Variants in EPHB2 observed in about 807,000 individuals in gnomAD.
EPHB2 encodes EPH receptor B2, also known as ephrin type-B receptor 2.
Under a neutral mutation model 96.4 loss-of-function variants are expected in EPHB2, and 18 were observed. That is an observed-to-expected ratio of 0.19 (90% CI 0.13 to 0.28). EPHB2 has a LOEUF of 0.28. EPHB2 is among the 10% of genes least tolerant of loss of function. The pLI, the probability that EPHB2 is intolerant of heterozygous loss-of-function variation, is 1.00. For synonymous variants in EPHB2, 506 were observed against 534.1 expected, an observed-to-expected ratio of 0.95 and a Z score of 0.72; for missense variants, 989 against 1,355.4, an observed-to-expected ratio of 0.73 and a Z score of 4.25.
chr1:22,899,020 C>T (rs1355953081), intron 9 of EPHB2, among the ~76,000 whole-genome samples: 1 of 151,810 alleles, frequency 6.6e-6, no homozygotes, highest in Non-Finnish European at 1.5e-5. Flanking sequence ...ACAGAGAAAC[C>T]CCGTCTCTAC....
In EPHB2 at chr1:22,798,571, G is replaced by A. The variant is rs575874740; in HGVS notation, c.811+13495G>A. ...GTGTGGTCCTAGACCAGAGGCTGCT[G>A]TGGGACTCGATTCTCTCATAAGGAG... On this transcript the variant is annotated intron_variant, in intron 3 of 15. Coordinates refer to ENST00000374630, the MANE Select transcript of EPHB2 (RefSeq NM_017449.5). Among the ~76,000 whole-genome samples, 9 of 152,160 alleles carry A rather than the reference G, an allele frequency of 5.9e-5. No individual in the cohort carries two copies. The East Asian group carries it at 1.7e-3, about 30-fold the overall frequency.
intron 1 of EPHB2, among the ~76,000 whole-genome samples, chr1:22,770,528 T>C (rs1000051030): frequency 1.1e-4 from 17 of 152,274 alleles, no homozygotes; most frequent in African/African-American, 4.1e-4. Flanking sequence ...TCTTATTGAT[T>C]TGTAATTTAC....
chr1:22,850,592 C>T (rs1321876393), intron 3 of EPHB2, among the ~76,000 whole-genome samples: 1 of 152,226 alleles, frequency 6.6e-6, no homozygotes, highest in Non-Finnish European at 1.5e-5. Flanking sequence ...GTTTAACACT[C>T]GCTATTCCTG....
At chr1:22,779,231 A>G (rs921087261) in intron 1 of EPHB2, among the ~76,000 whole-genome samples, 1 of 152,226 alleles carries the variant, frequency 6.6e-6, no homozygotes, top group Non-Finnish European at 1.5e-5. Flanking sequence ...CCAAAGCTGC[A>G]TAATAGAACT....
intron 1 of EPHB2, among the ~76,000 whole-genome samples, chr1:22,724,145 A>G (rs1165013015): frequency 6.6e-6 from 1 of 152,194 alleles, no homozygotes; most frequent in African/African-American, 2.4e-5. Flanking sequence ...ACACCTGTCT[A>G]GCCTTCACCT....
At chr1:22,901,853 G>T (rs944817914) in intron 9 of EPHB2, among the ~76,000 whole-genome samples, 95 of 149,210 alleles carry the variant, frequency 6.4e-4, no homozygotes, top group African/African-American at 2.4e-3. Flanking sequence ...GTGTAACAGG[G>T]TCTCACTTTG....
intron 1 of EPHB2, among the ~76,000 whole-genome samples, chr1:22,745,848 T>A (rs1643966938): frequency 6.6e-6 from 1 of 152,154 alleles, no homozygotes; most frequent in Non-Finnish European, 1.5e-5. Flanking sequence ...CCCACAGATG[T>A]GGCTGGTGTG....
chr1:22,740,692 C>G (rs928761554), intron 1 of EPHB2, among the ~76,000 whole-genome samples: 4 of 152,194 alleles, frequency 2.6e-5, no homozygotes, highest in African/African-American at 9.7e-5. Context: ...TCAAACCTCC[C>G]TGCCTTTACT....
chr1:22,830,350 G>C (rs947580746), intron 3 of EPHB2, among the ~76,000 whole-genome samples: 1 of 152,176 alleles, frequency 6.6e-6, no homozygotes, highest in Non-Finnish European at 1.5e-5. Context: ...CTGCTCAGAG[G>C]AGGAGGCCAT....
chr1:22,805,897 A>C (rs1644918772), intron 3 of EPHB2, among the ~76,000 whole-genome samples: 1 of 152,194 alleles, frequency 6.6e-6, no homozygotes, highest in Non-Finnish European at 1.5e-5. Context: ...ATTTGTATGC[A>C]GCAGGGGGCA....
intron 3 of EPHB2, among the ~76,000 whole-genome samples, chr1:22,839,164 A>G (rs1645428860): frequency 6.6e-6 from 1 of 152,108 alleles, no homozygotes; most frequent in Admixed American, 6.5e-5. Context: ...CCAATCAATC[A>G]CGATGCTCTT....
Position 22,780,259 on chromosome 1 carries a change from A to AT in EPHB2, c.62-1161dup, listed in dbSNP as rs550017311. Among the ~76,000 whole-genome samples the AT allele has an allele frequency of 4.4e-3, 668 of 152,314 alleles. 7 individuals carry two copies. Among genetic ancestry groups the AT allele is most frequent in the African/African-American group, 0.015 (636 of 41,582 alleles). On this transcript the variant is annotated intron_variant, in intron 1 of 15. Transcript: ENST00000374630. ...GGGGAGAATGGGGGTCTCTAGGGCC[A>AT]TGTGGCTCTTCTTCCCCCTAGGCCA...
intron 3 of EPHB2, among the ~76,000 whole-genome samples, chr1:22,844,354 C>T (rs1001632792): frequency 6.6e-6 from 1 of 152,220 alleles, no homozygotes; most frequent in Admixed American, 6.5e-5. Context: ...AAGCCTCAGC[C>T]AGGAAGAGCA....
intron 1 of EPHB2, among the ~76,000 whole-genome samples, chr1:22,763,996 A>G (rs978524749): frequency 6.6e-6 from 1 of 152,164 alleles, no homozygotes; most frequent in Admixed American, 6.5e-5. Flanking sequence ...ACTCATGATT[A>G]CATTAGACCC....
At chr1:22,831,097 G>A (rs1169359841) in intron 3 of EPHB2, among the ~76,000 whole-genome samples, 2 of 152,022 alleles carry the variant, frequency 1.3e-5, no homozygotes. Flanking sequence ...GTAAACCCAG[G>A]GGCTCCCCAG....
chr1:22,781,318 T>C (rs1363538067), intron 1 of EPHB2, 103 bp from the exon 2 acceptor site: 4 of 891,558 alleles, frequency 4.5e-6, no homozygotes, highest in Non-Finnish European at 6.6e-6. Flanking sequence ...AGACTCCGTC[T>C]AAAAAAAAAA....
At chr1:22,871,149 G>A (rs972540522) in intron 5 of EPHB2, among the ~76,000 whole-genome samples, 4 of 152,174 alleles carry the variant, frequency 2.6e-5, no homozygotes, top group African/African-American at 7.2e-5. Context: ...AAAGGAAAGC[G>A]AGGCATTGAG....
intron 1 of EPHB2, among the ~76,000 whole-genome samples, chr1:22,772,311 A>G (rs530212010): frequency 5.9e-4 from 90 of 151,654 alleles, no homozygotes; most frequent in African/African-American, 2.0e-3. Context: ...CGTCACAGGG[A>G]CTCCTCCGCC....
At chr1:22,895,395 A>G in intron 7 of EPHB2, 77 bp from the exon 8 acceptor site, 3 of 1,379,714 alleles carry the variant, frequency 2.2e-6, no homozygotes, top group Non-Finnish European at 3.1e-6. Context: ...ACCCAGCAGC[A>G]TGGCAGGGGG....
Sources: gnomAD v4.1 joint callset for allele counts (sites outside exome capture counted in the v4.1 genomes callset) on GRCh38, gnomAD v4.1.1 for gene constraint, MANE v1.5 for transcripts, NCBI Gene and HGNC (gene_info 2026-07-23, HGNC 2026-07-21) for gene names.